The following R3HDM2 variants were observed in gnomAD, a reference collection of about 807,000 sequenced individuals.
R3HDM2 encodes R3H domain containing 2.
In R3HDM2, 38 loss-of-function variants were observed where a neutral mutation model predicts 124.5. The observed-to-expected ratio is 0.31, with a 90% CI of 0.24 to 0.40. R3HDM2 has a LOEUF of 0.40. Among genes scored for constraint, R3HDM2 ranks in the 10% least tolerant of loss-of-function variants. The pLI is 1.00. For missense variants in R3HDM2, 869 were observed against 1,236.9 expected, an observed-to-expected ratio of 0.70 and a Z score of 4.46; for synonymous variants, 391 against 448.0, an observed-to-expected ratio of 0.87 and a Z score of 1.61.
chr12:57,279,241 G>A (rs936418989), intron 14 of R3HDM2, among the ~76,000 whole-genome samples: 5 of 148,004 alleles, frequency 3.4e-5, no homozygotes, highest in African/African-American at 1.3e-4. Context: ...AGAGAGCAGT[G>A]GCGCGATCTC....
chr12:57,337,252 G>A (rs2058971890), intron 2 of R3HDM2, among the ~76,000 whole-genome samples: 1 of 152,054 alleles, frequency 6.6e-6, no homozygotes, highest in South Asian at 2.1e-4. Flanking sequence ...AATCTCATGG[G>A]CTCAAGTGAC....
Position 57,292,102 on chromosome 12 carries a change from C to T in R3HDM2, c.906+470G>A, listed in dbSNP as rs138302422. Reference sequence around the variant, plus strand: ...GAGCTCATAGAGGATGGATGCCAGACCTGTGCTCTAACAATCACCAACATA... The same window carrying T: ...GAGCTCATAGAGGATGGATGCCAGATCTGTGCTCTAACAATCACCAACATA... On this transcript the variant is annotated intron_variant, in intron 11 of 23. Coordinates refer to ENST00000402412, the MANE Select transcript of R3HDM2 (RefSeq NM_001394031.1). 2.0e-5 allele frequency among the ~76,000 whole-genome samples: 3 copies of T among 152,292 alleles called. No individual in the cohort carries two copies. The East Asian group carries it at 5.8e-4, about 29-fold the overall frequency.
At chr12:57,350,503 G>T (rs984825790) in intron 2 of R3HDM2, among the ~76,000 whole-genome samples, 2 of 152,058 alleles carry the variant, frequency 1.3e-5, no homozygotes, top group Non-Finnish European at 2.9e-5. Context: ...AGGCGTGATG[G>T]TTACCCTCTA....
intron 14 of R3HDM2, among the ~76,000 whole-genome samples, chr12:57,274,763 A>G (rs1361946257): frequency 6.6e-6 from 1 of 152,230 alleles, no homozygotes; most frequent in Admixed American, 6.5e-5. Context: ...CTAACCAAGG[A>G]GTTGAAAGAC....
chr12:57,303,042 C>G lies in R3HDM2; in HGVS notation c.207+134G>C, dbSNP rs923169565. The G allele has an allele frequency of 1.0e-5, 8 of 785,710 alleles. No homozygotes were observed. In the African/African-American group the frequency reaches 1.2e-4, roughly 12 times the overall value. The allele number at this position is 785,710 out of a possible 1,614,324, so 48.7% of individuals were successfully genotyped here. A position where few individuals can be genotyped will look rare whatever the true frequency, so the allele number is the denominator to read the frequency against. The stretch of plus-strand genomic sequence containing the variant: ...GTGTGTATGCACACTTACGCAGGTT[C>G]ACAATTGGGGTACAGAGTACAGGCA... On this transcript the variant is annotated intron_variant, in intron 4 of 23. Transcript: ENST00000402412.
chr12:57,397,052 C>G (rs907928501), intron 1 of R3HDM2, among the ~76,000 whole-genome samples: 1 of 151,852 alleles, frequency 6.6e-6, no homozygotes, highest in African/African-American at 2.4e-5. Flanking sequence ...AAGATCACAC[C>G]ATTGCACTCC....
chr12:57,430,188 G>A lies in R3HDM2; in HGVS notation c.-106+532C>T, dbSNP rs183384649. On this transcript the variant is annotated intron_variant, in intron 1 of 23. Transcript: ENST00000402412. ...AAATGTTGAAAAATGTTAGCTCTACGGGAAAACGAATCGAAGCGTTTTCAG... is the reference window on the plus strand; with the variant it reads ...AAATGTTGAAAAATGTTAGCTCTACAGGAAAACGAATCGAAGCGTTTTCAG... 3.4e-3 allele frequency among the ~76,000 whole-genome samples: 520 copies of A among 152,134 alleles called. 1 individual carries two copies. The highest frequency in any genetic ancestry group is 6.5e-3 in the Non-Finnish European group (442 of 68,004).
rs560547780 is a variant in R3HDM2 at position 57,407,024 on chromosome 12, G to A, written c.-105-11206C>T. Among the ~76,000 whole-genome samples the A allele has an allele frequency of 1.1e-4, 16 of 152,226 alleles. No homozygotes were observed. In the South Asian group the frequency reaches 1.9e-3, roughly 18 times the overall value. ...AGCACTTTGAGAGGCCAAGGCGGGC[G>A]GATTGCTTGCGGTCAGAATTTCGAG... On this transcript the variant is annotated intron_variant, in intron 1 of 23. Transcript: ENST00000402412.
chr12:57,426,019 G>A (rs937892143), intron 1 of R3HDM2, among the ~76,000 whole-genome samples: 15 of 152,148 alleles, frequency 9.9e-5, no homozygotes, highest in African/African-American at 3.4e-4. Context: ...CCTGAGGTTA[G>A]GAGTTCGAGA....
intron 5 of R3HDM2, among the ~76,000 whole-genome samples, 152 bp downstream of exon 5, chr12:57,299,943 G>A (rs917962333): frequency 1.3e-5 from 2 of 152,112 alleles, no homozygotes; most frequent in African/African-American, 4.8e-5. Context: ...CAGCTGGGAG[G>A]AGAGACCATG....
chr12:57,427,927 C>T (rs754676068), intron 1 of R3HDM2, among the ~76,000 whole-genome samples: 1 of 151,604 alleles, frequency 6.6e-6, no homozygotes, highest in Non-Finnish European at 1.5e-5. Flanking sequence ...ACCAGCCTGG[C>T]CAACATATAG....
At chr12:57,280,335 T>G (rs1487849326) in intron 14 of R3HDM2, 23 bp downstream of exon 14, 4 of 1,605,812 alleles carry the variant, frequency 2.5e-6, no homozygotes, top group Non-Finnish European at 3.4e-6. Flanking sequence ...TGGAGAGGAC[T>G]CTGACACTGA....
At chr12:57,377,054 T>C (rs914285489) in intron 2 of R3HDM2, among the ~76,000 whole-genome samples, 14 of 136,774 alleles carry the variant, frequency 1.0e-4, no homozygotes, top group Admixed American at 1.5e-4. Flanking sequence ...TAAATCTTGC[T>C]GCTGCTCACT....
intron 2 of R3HDM2, among the ~76,000 whole-genome samples, chr12:57,342,860 A>G (rs1230511721): frequency 6.6e-6 from 1 of 152,338 alleles, no homozygotes; most frequent in Middle Eastern, 3.4e-3. Context: ...CCAGCGAGCT[A>G]TATTTAGTAA....
chr12:57,269,842 G>A lies in R3HDM2; in HGVS notation c.1497C>T (p.Pro499=), dbSNP rs1344015702. The A allele has an allele frequency of 1.2e-5, 19 of 1,614,010 alleles. No homozygotes were observed. The highest frequency in any genetic ancestry group is 1.4e-5 in the Non-Finnish European group (17 of 1,180,028). ...AGGTGGAATAGTTGGAAGTGGGGAGGGGCTGACCCGTGGAAGCCATGATGA... is the reference window on the plus strand; with the variant it reads ...AGGTGGAATAGTTGGAAGTGGGGAGAGGCTGACCCGTGGAAGCCATGATGA... ...TSFIMASTGQ[P]LPTSNYSTSS... The change falls in exon 15 of 24, where the codon CCC becomes CCT. Residue 499 remains proline, a synonymous_variant. Transcript: ENST00000402412.
At chr12:57,268,778 G>C in intron 17 of R3HDM2, 144 bp downstream of exon 17, 1 of 1,048,666 alleles carries the variant, frequency 9.5e-7, no homozygotes, top group Non-Finnish European at 1.4e-6. Flanking sequence ...TGGGCTTTCC[G>C]TTATAGGAAA....
chr12:57,410,318 TA>T (rs56412130), intron 1 of R3HDM2, among the ~76,000 whole-genome samples: 43,230 of 100,140 alleles, frequency 0.43, 7,901 homozygotes, highest in South Asian at 0.46. Context: ...AGTATAACCT[TA>T]AAAAAAAAAA....
chr12:57,349,379 CAAAAAAAAAAAAAAAAAAA>C (rs1161831845), intron 2 of R3HDM2, among the ~76,000 whole-genome samples: 1 of 57,776 alleles, frequency 1.7e-5, no homozygotes, highest in Non-Finnish European at 2.8e-5. Context: ...ACTCCGTCTC[CAAAAAAAAAAAAAAAAAAA>C]AAAAAAAAAG....
At chr12:57,270,905 A>G (rs1299690333) in intron 14 of R3HDM2, among the ~76,000 whole-genome samples, 1 of 152,174 alleles carries the variant, frequency 6.6e-6, no homozygotes, top group East Asian at 1.9e-4. Context: ...GGGAGATGGG[A>G]GCTATGACAC....
Sources: gnomAD v4.1 joint callset for allele counts (sites outside exome capture counted in the v4.1 genomes callset) on GRCh38, gnomAD v4.1.1 for gene constraint, MANE v1.5 for transcripts, NCBI Gene and HGNC (gene_info 2026-07-23, HGNC 2026-07-21) for gene names.